RBAK: variants seen among roughly 807,000 people sequenced by gnomAD.
The protein encoded by RBAK is RB-associated KRAB zinc finger protein.
Under a neutral mutation model 65.8 loss-of-function variants are expected in RBAK, and 39 were observed. The observed-to-expected ratio is 0.59, with a 90% CI of 0.46 to 0.77. The LOEUF (loss-of-function observed/expected upper bound fraction) is 0.77, where lower values mean the gene tolerates loss of function less well. Among genes scored for constraint, RBAK ranks in the 30% least tolerant of loss-of-function variants. The pLI, the probability that RBAK is intolerant of heterozygous loss-of-function variation, is 0.00. For synonymous variants in RBAK, 343 were observed against 289.7 expected (o/e 1.18, Z -1.87); for missense variants, 884 against 855.1 (o/e 1.03, Z -0.42).
Position 5,064,332 on chromosome 7 carries a change from T to G in RBAK, c.876T>G (p.Asn292Lys). Residue 292 changes from asparagine (N) to lysine (K), a missense_variant, in exon 5 of 5, where the codon AAT becomes AAG. Transcript: ENST00000396912. This position sits in a 1 kb window ranked among gnomAD's most constrained non-coding sequence, Gnocchi z 6.3. The stretch of plus-strand genomic sequence containing the variant: ...CAGGAGAGAAACCTTATGAATGTAA[T>G]GTATGTGGGAAATCCTTCAGCCAAA... The part of the protein sequence containing the change: ...AHTGEKPYEC[N>K]VCGKSFSQKG... 1 of 1,614,060 alleles carries G rather than the reference T, an allele frequency of 6.2e-7. No homozygotes were observed. The highest frequency in any genetic ancestry group is 8.5e-7 in the Non-Finnish European group (1 of 1,179,994).
chr7:5,064,721 C>A lies in RBAK; in HGVS notation c.1265C>A (p.Thr422Lys). 6 of 1,612,426 alleles carry A rather than the reference C, an allele frequency of 3.7e-6. No homozygotes were observed. Among genetic ancestry groups the A allele is most frequent in the Non-Finnish European group, 5.1e-6 (6 of 1,178,758 alleles). The change falls in exon 5 of 5, where the codon ACA becomes AAA. Residue 422 changes from threonine (T) to lysine (K), a missense_variant. By Grantham distance (78) the Thr-to-Lys change is moderately conservative. Transcript: ENST00000396912. This position sits in a 1 kb window ranked among gnomAD's most constrained non-coding sequence, Gnocchi z 6.3. ...TCTACTCTGATTACACATCAGAGAA[C>A]ACACACGGGAGAGAAGCCCTATCAG... is the stretch of plus-strand genomic sequence containing the variant. The part of the protein sequence containing the change: ...RKSTLITHQR[T>K]HTGEKPYQCS...
intron 2 of RBAK, among the ~76,000 whole-genome samples, chr7:5,049,618 C>A (rs1377889038): frequency 7.9e-5 from 12 of 152,200 alleles, no homozygotes; most frequent in African/African-American, 9.7e-5. Flanking sequence ...CAAACTGATA[C>A]TTTCTCCATG....
chr7:5,065,309 C>T lies in RBAK; in HGVS notation c.1853C>T (p.Ser618Leu). The change falls in exon 5 of 5, where the codon TCA becomes TTA. Residue 618 changes from serine (S) to leucine (L), a missense_variant. Ser to Leu is a moderately radical substitution (Grantham distance 145). Transcript: ENST00000396912. The surrounding 1 kb of genome is among the most constrained non-coding windows in gnomAD (Gnocchi z 5.3). ...SYLTIHHRIH[S>L]GEKPYECSKC... Reference sequence around the variant, plus strand: ...CTCACTATACATCATCGAATTCATTCAGGAGAGAAACCCTATGAATGTAGT... The same window carrying T: ...CTCACTATACATCATCGAATTCATTTAGGAGAGAAACCCTATGAATGTAGT... 1 of 1,613,798 alleles carries T rather than the reference C, an allele frequency of 6.2e-7. No homozygotes were observed. Among genetic ancestry groups the T allele is most frequent in the Non-Finnish European group, 8.5e-7 (1 of 1,179,878 alleles).
chr7:5,046,943 A>C (rs1395914180), intron 1 of RBAK, among the ~76,000 whole-genome samples: 2 of 152,190 alleles, frequency 1.3e-5, no homozygotes, highest in Non-Finnish European at 1.5e-5. Flanking sequence ...TTTCTCCCGT[A>C]TCCTAGTTTT....
At chr7:5,057,468 A>T in intron 3 of RBAK, 47 bp downstream of exon 3, 1 of 1,614,036 alleles carries the variant, frequency 6.2e-7, no homozygotes, top group Non-Finnish European at 8.5e-7. Context: ...ATGGGGTTTT[A>T]TCCTTGAGTT....
At chr7:5,062,939 T>G (rs1779113893) in intron 4 of RBAK, among the ~76,000 whole-genome samples, 1 of 152,236 alleles carries the variant, frequency 6.6e-6, no homozygotes, top group Non-Finnish European at 1.5e-5. Context: ...CTGTTCTTTT[T>G]TCAAGGTGCC....
chr7:5,062,789 G>A (rs1001875163), intron 4 of RBAK, among the ~76,000 whole-genome samples: 3 of 152,150 alleles, frequency 2.0e-5, no homozygotes, highest in African/African-American at 4.8e-5. Flanking sequence ...TCCCAGGGAT[G>A]TTCTTTGCTG....
intron 4 of RBAK, among the ~76,000 whole-genome samples, chr7:5,059,633 G>T (rs942340876): frequency 3.9e-5 from 6 of 152,300 alleles, no homozygotes; most frequent in Admixed American, 2.6e-4. Context: ...GAACTGAAAA[G>T]GTTAGCTCCT....
intron 2 of RBAK, among the ~76,000 whole-genome samples, chr7:5,053,232 G>A (rs1010523167): frequency 1.3e-5 from 2 of 152,198 alleles, no homozygotes; most frequent in African/African-American, 4.8e-5. Flanking sequence ...GTCTGCAAAT[G>A]TCTTCATTGT....
At chr7:5,052,198 G>A in intron 2 of RBAK, among the ~76,000 whole-genome samples, 1 of 152,140 alleles carries the variant, frequency 6.6e-6, no homozygotes, top group East Asian at 1.9e-4. Context: ...ATGCATGCAT[G>A]GTATATCTTA....
chr7:5,057,380 G>C lies in RBAK; in HGVS notation c.101G>C (p.Arg34Thr), dbSNP rs980549626. The C allele has an allele frequency of 6.2e-7, 1 of 1,614,058 alleles. No individual in the cohort carries two copies. The highest frequency in any genetic ancestry group is 8.5e-7 in the Non-Finnish European group (1 of 1,180,010). The change falls in exon 3 of 5, where the codon AGG becomes ACG. Residue 34 changes from arginine (R) to threonine (T), a missense_variant. Transcript: ENST00000396912. Reference sequence around the variant, plus strand: ...GACCCTGATGAGAAGATAACTTACAGGGATGTGATGTTGGAGAACTATAGC... The same window carrying C: ...GACCCTGATGAGAAGATAACTTACACGGATGTGATGTTGGAGAACTATAGC... The part of the protein sequence containing the change: ...QLDPDEKITY[R>T]DVMLENYSHL...
intron 4 of RBAK, among the ~76,000 whole-genome samples, chr7:5,060,505 G>C (rs1779044295): frequency 6.6e-6 from 1 of 152,226 alleles, no homozygotes; most frequent in Admixed American, 6.5e-5. Flanking sequence ...AATGCACATT[G>C]TGCAACTTTA....
At chr7:5,063,598 A>G (rs1779133299) in intron 4 of RBAK, 97 bp from the exon 5 acceptor site, 3 of 955,792 alleles carry the variant, frequency 3.1e-6, no homozygotes, top group Non-Finnish European at 4.5e-6. Flanking sequence ...CTCTAAAGCC[A>G]GAGTCAACCC....
chr7:5,047,530 G>A (rs867368897), intron 1 of RBAK, among the ~76,000 whole-genome samples: 1 of 149,874 alleles, frequency 6.7e-6, no homozygotes, highest in African/African-American at 2.5e-5. Context: ...TCACTCATCT[G>A]ATTACTACCT....
Position 5,046,314 on chromosome 7 carries a change from C to A in RBAK, c.-127C>A, listed in dbSNP as rs770620131. ...TAGTGAGGTGGACAGGAGGGGACCTCGCGAGCAGACGCGCGCCAGCGACAG... is the reference window on the plus strand; with the variant it reads ...TAGTGAGGTGGACAGGAGGGGACCTAGCGAGCAGACGCGCGCCAGCGACAG... On this transcript the variant is annotated 5_prime_UTR_variant, in exon 1 of 5. Transcript: ENST00000396912. The A allele has an allele frequency of 5.8e-6, 3 of 515,972 alleles. No homozygotes were observed. Among genetic ancestry groups the A allele is most frequent in the Non-Finnish European group, 1.2e-5 (3 of 259,452 alleles). 32.0% of individuals were successfully genotyped at this position (515,972 alleles called of 1,614,324 possible).
At position 5,046,372 on chromosome 7, in the gene RBAK, G is replaced by T. The variant is rs1787983900; in HGVS notation, c.-69G>T. On this transcript the variant is annotated 5_prime_UTR_variant, in exon 1 of 5. Transcript: ENST00000396912. ...GCCCCGGCCTCTCGGGAGCCGTGGG[G>T]CAGAGGCTGCGGAGCCCCAGAAGGG... is the stretch of plus-strand genomic sequence containing the variant. 3.9e-6 allele frequency: 2 copies of T among 516,018 alleles called. No homozygotes were observed. The highest frequency in any genetic ancestry group is 1.9e-5 in the African/African-American group (1 of 52,002). 32.0% of individuals were successfully genotyped at this position (516,018 alleles called of 1,614,324 possible). A position where few individuals can be genotyped will look rare whatever the true frequency, so the allele number is the denominator to read the frequency against.
At chr7:5,046,543 A>G in intron 1 of RBAK, 147 bp downstream of exon 1, 1 of 349,256 alleles carries the variant, frequency 2.9e-6, no homozygotes, top group Non-Finnish European at 5.6e-6. Flanking sequence ...GTCCGGCTGC[A>G]CCGAACAGGC....
rs1403606783 is a variant in RBAK, at chr7:5,046,064, AGCCGGCGGCGCTGGGGCCAGAGGG to A, written c.-371_-348del. 1 of 282,670 alleles carries A rather than the reference AGCCGGCGGCGCTGGGGCCAGAGGG, an allele frequency of 3.5e-6. No homozygotes were observed. The highest frequency in any genetic ancestry group is 6.0e-5 in the Admixed American group (1 of 16,736). The allele number at this position is 282,670 out of a possible 1,614,324, so 17.5% of individuals were successfully genotyped here. ...GGGGACCCCCGAGCTTGAGCCCCGG[AGCCGGCGGCGCTGGGGCCAGAGGG>A]GCCGGACGGGAGGTGGCGGAGGTGG... On this transcript the variant is annotated 5_prime_UTR_variant, in exon 1 of 5. Coordinates refer to ENST00000396912, the MANE Select transcript of RBAK (RefSeq NM_021163.4).
At position 5,064,313 on chromosome 7, in the gene RBAK, A is replaced by C; in HGVS notation, c.857A>C (p.Glu286Ala). The C allele has an allele frequency of 2.5e-6, 4 of 1,614,190 alleles. No individual in the cohort carries two copies. Among genetic ancestry groups the C allele is most frequent in the Non-Finnish European group, 3.4e-6 (4 of 1,180,026 alleles). ...ATCCACCAGAGGGCTCACACAGGAG[A>C]GAAACCTTATGAATGTAATGTATGT... is the stretch of plus-strand genomic sequence containing the variant. ...FIIHQRAHTG[E>A]KPYECNVCGK... Residue 286 changes from glutamate (E) to alanine (A), a missense_variant, in exon 5 of 5, where the codon GAG becomes GCG. Physicochemically the swap from Glu to Ala is moderately radical, Grantham distance 107. Coordinates refer to ENST00000396912, the MANE Select transcript of RBAK (RefSeq NM_021163.4). This position sits in a 1 kb window ranked among gnomAD's most constrained non-coding sequence, Gnocchi z 6.3.
Sources: allele counts gnomAD v4.1 joint callset (sites outside exome capture counted in the v4.1 genomes callset), GRCh38; gene constraint gnomAD v4.1.1; non-coding constraint Gnocchi (gnomAD v3.1); transcripts MANE v1.5; gene names NCBI Gene and HGNC (gene_info 2026-07-23, HGNC 2026-07-21).